Variants in SIPA1L3 observed in about 807,000 individuals in gnomAD.
The protein encoded by SIPA1L3 is signal induced proliferation associated 1 like 3, also known as signal-induced proliferation-associated 1-like protein 3.
SIPA1L3 carries 59 observed loss-of-function variants against 150.1 expected under a neutral mutation model. That is an observed-to-expected ratio of 0.39 (90% CI 0.32 to 0.49). The LOEUF is 0.49. Ranked by LOEUF, SIPA1L3 falls within the 20% of genes least tolerant of loss-of-function variation. The pLI is 0.86. For missense variants in SIPA1L3, 2,211 were observed against 2,489.5 expected (o/e 0.89, Z 2.38); for synonymous variants, 1,070 against 1,077.6 (o/e 0.99, Z 0.14).
At chr19:38,062,158 C>T (rs1969459476) in intron 2 of SIPA1L3, among the ~76,000 whole-genome samples, 1 of 152,092 alleles carries the variant, frequency 6.6e-6, no homozygotes. Context: ...CACTTACCCC[C>T]TCTGGTACAT....
intron 2 of SIPA1L3, among the ~76,000 whole-genome samples, chr19:38,063,886 T>C (rs1969509495): frequency 6.6e-6 from 1 of 152,202 alleles, no homozygotes; most frequent in East Asian, 1.9e-4. Context: ...GGCTTGATCA[T>C]GAGCCTGGCT....
At chr19:37,962,460 G>A (rs143739209) in intron 1 of SIPA1L3, among the ~76,000 whole-genome samples, 916 of 89,172 alleles carry the variant, frequency 0.01, 3 homozygotes, top group Non-Finnish European at 0.014. Context: ...CACTGCAGCC[G>A]GCCTTTTTTT....
At chr19:37,988,575 C>T (rs1967420690) in intron 1 of SIPA1L3, among the ~76,000 whole-genome samples, 1 of 152,100 alleles carries the variant, frequency 6.6e-6, no homozygotes, top group Non-Finnish European at 1.5e-5. Context: ...ACTCGGGAGG[C>T]TGAGGCAGGA....
chr19:38,198,373 C>T lies in SIPA1L3; in HGVS notation c.4841-16C>T, dbSNP rs1193549229. On this transcript the variant is annotated splice_polypyrimidine_tract_variant and intron_variant, in intron 18 of 21. Transcript: ENST00000222345. ...TGTCACACTCAACCACTGCCATCTC[C>T]ACCCTCCCCATCCAGCCACCATCTC... 2 of 1,523,314 alleles carry T rather than the reference C, an allele frequency of 1.3e-6. No individual in the cohort carries two copies. The highest frequency in any genetic ancestry group is 1.4e-5 in the African/African-American group (1 of 71,138). The allele number at this position is 1,523,314 out of a possible 1,614,324, so 94.4% of individuals were successfully genotyped here. A position where few individuals can be genotyped will look rare whatever the true frequency, so the allele number is the denominator to read the frequency against.
In SIPA1L3 at chr19:37,974,637, A is replaced by G. The variant is rs377008234; in HGVS notation, c.-378-54452A>G. On this transcript the variant is annotated intron_variant, in intron 1 of 21. Transcript: ENST00000222345. ...AGGAGCAGAAGGCTTGACAGCCTGG[A>G]CAGAGGAGTTTGTGTTTTCCTTCAT... Among the ~76,000 whole-genome samples, 38 of 152,258 alleles carry G rather than the reference A, an allele frequency of 2.5e-4. No homozygotes were observed. In the Middle Eastern group the frequency reaches 0.014, roughly 55 times the overall value.
chr19:38,018,009 C>T (rs1968277463), intron 1 of SIPA1L3, among the ~76,000 whole-genome samples: 1 of 152,148 alleles, frequency 6.6e-6, no homozygotes, highest in Non-Finnish European at 1.5e-5. Context: ...TCCCTTGCTG[C>T]AGCCATCCAG....
chr19:37,956,413 T>C (rs939662457), intron 1 of SIPA1L3, among the ~76,000 whole-genome samples: 6 of 152,262 alleles, frequency 3.9e-5, no homozygotes, highest in African/African-American at 1.2e-4. Flanking sequence ...TCATCAGATA[T>C]GTAGTTTGCA....
chr19:38,069,170 TC>T (rs1432464441), intron 2 of SIPA1L3, among the ~76,000 whole-genome samples: 1 of 151,880 alleles, frequency 6.6e-6, no homozygotes, highest in Middle Eastern at 3.2e-3. Context: ...TGCATGTACA[TC>T]CCCGGGAGCT....
intron 1 of SIPA1L3, among the ~76,000 whole-genome samples, chr19:38,000,872 G>GT (rs200765230): frequency 7.6e-6 from 1 of 130,902 alleles, no homozygotes; most frequent in Admixed American, 8.0e-5. Context: ...TATGTTCCAA[G>GT]TTTTTTATAT....
At chr19:38,102,853 G>C (rs1970536928) in intron 6 of SIPA1L3, among the ~76,000 whole-genome samples, 2 of 152,040 alleles carry the variant, frequency 1.3e-5, no homozygotes, top group Non-Finnish European at 2.9e-5. Flanking sequence ...GGCCGGGCAT[G>C]GTGGCTCATG....
At chr19:38,000,994 AAC>A (rs1223543451) in intron 1 of SIPA1L3, among the ~76,000 whole-genome samples, 62 of 149,004 alleles carry the variant, frequency 4.2e-4, no homozygotes, top group African/African-American at 1.4e-3. Context: ...ACATATATAT[AAC>A]ACATCAATCA....
In SIPA1L3 at chr19:38,078,438, G is replaced by GCACACACACA. The variant is rs66830496; in HGVS notation, c.-310-2795_-310-2786dup. Among the ~76,000 whole-genome samples the GCACACACACA allele has an allele frequency of 2.9e-3, 407 of 138,998 alleles. 7 individuals carry two copies. The highest frequency in any genetic ancestry group is 0.015 in the East Asian group (69 of 4,698). The allele number at this position is 138,998 out of a possible 152,430, so 91.2% of individuals were successfully genotyped here. On this transcript the variant is annotated intron_variant, in intron 2 of 21. Transcript: ENST00000222345. ...AGCCCCCCTACACATGCGCATACAT[G>GCACACACACA]CACACACACACACACACACACACAC...
chr19:38,179,529 C>A (rs1042717726), intron 15 of SIPA1L3, among the ~76,000 whole-genome samples: 7 of 152,122 alleles, frequency 4.6e-5, no homozygotes, highest in Non-Finnish European at 1.0e-4. Flanking sequence ...TTATAATGTG[C>A]GTCTATCACT....
At chr19:37,981,373 A>G (rs1341283267) in intron 1 of SIPA1L3, among the ~76,000 whole-genome samples, 4 of 150,000 alleles carry the variant, frequency 2.7e-5, no homozygotes, top group Non-Finnish European at 4.4e-5. Flanking sequence ...GCAGTGACCT[A>G]TGCTTGTGCC....
chr19:38,099,845 G>C (rs1970460987), intron 4 of SIPA1L3, 117 bp from the exon 5 acceptor site: 1 of 887,264 alleles, frequency 1.1e-6, no homozygotes, highest in African/African-American at 1.8e-5. Flanking sequence ...TCTGACCTTA[G>C]AGCACAAACT....
chr19:37,998,985 A>C (rs1050333327), intron 1 of SIPA1L3, among the ~76,000 whole-genome samples: 1 of 145,970 alleles, frequency 6.9e-6, no homozygotes, highest in Non-Finnish European at 1.5e-5. Context: ...TCTATCACAC[A>C]CACACACACA....
chr19:38,126,588 G>A (rs1052805044), intron 9 of SIPA1L3, among the ~76,000 whole-genome samples: 5 of 151,532 alleles, frequency 3.3e-5, no homozygotes, highest in Non-Finnish European at 5.9e-5. Flanking sequence ...CTAGGCTGGA[G>A]TGCCATGGTG....
chr19:37,921,345 G>A (rs1319630839), intron 1 of SIPA1L3, among the ~76,000 whole-genome samples: 1 of 152,192 alleles, frequency 6.6e-6, no homozygotes, highest in Admixed American at 6.6e-5. Flanking sequence ...AGAGGGAAAC[G>A]TTTGGGGGCT....
At chr19:38,004,179 A>G (rs1967879389) in intron 1 of SIPA1L3, among the ~76,000 whole-genome samples, 1 of 152,218 alleles carries the variant, frequency 6.6e-6, no homozygotes, top group Non-Finnish European at 1.5e-5. Flanking sequence ...GTATATAATT[A>G]TCCCCATTCT....
Sources: allele counts gnomAD v4.1 joint callset (sites outside exome capture counted in the v4.1 genomes callset), GRCh38; gene constraint gnomAD v4.1.1; transcripts MANE v1.5; gene names NCBI Gene and HGNC (gene_info 2026-07-23, HGNC 2026-07-21).